Variants in PRDM15 observed in about 807,000 individuals in gnomAD.
PRDM15 encodes the protein PR/SET domain 15, also known as PR domain zinc finger protein 15.
A neutral mutation model predicts 128.6 loss-of-function variants in PRDM15; 64 were observed. The observed-to-expected ratio is 0.50, with a 90% CI of 0.41 to 0.61. PRDM15 has a LOEUF of 0.61. Ranked by LOEUF, PRDM15 falls within the 20% of genes least tolerant of loss-of-function variation. PRDM15 has a pLI of 0.00. For missense variants in PRDM15, 1,242 were observed against 1,569.1 expected (o/e 0.79, Z 3.52); for synonymous variants, 615 against 621.8 (o/e 0.99, Z 0.16).
In PRDM15 at chr21:41,810,283, G is replaced by A. The variant is rs777031684; in HGVS notation, c.2523C>T (p.Thr841=). Reference sequence around the variant, plus strand: ...GAACGTGCTTCTGCAGCATGTACTCGGTCACGTACTTCTTGTCGCACACGG... The same window carrying A: ...GAACGTGCTTCTGCAGCATGTACTCAGTCACGTACTTCTTGTCGCACACGG... ...TCSVCDKKYV[T]EYMLQKHVQL... is the part of the protein sequence containing the mutation. Residue 841 remains threonine (T), a synonymous_variant, in exon 21 of 24, where the codon ACC becomes ACT. Coordinates refer to ENST00000398548, the MANE Select transcript of PRDM15 (RefSeq NM_001040424.3). The surrounding 1 kb of genome is among the most constrained non-coding windows in gnomAD (Gnocchi z 6.4). The A allele has an allele frequency of 2.3e-5, 37 of 1,613,404 alleles. No individual in the cohort carries two copies. Among genetic ancestry groups the A allele is most frequent in the Non-Finnish European group, 3.1e-5 (37 of 1,179,964 alleles).
Position 41,836,679 on chromosome 21 carries a change from A to G in PRDM15, c.1002-30T>C, listed in dbSNP as rs774730647. Reference sequence around the variant, plus strand: ...CCAGGGACGTCAATAAGTTGGGAAAAGACAGGTGGGAAAAAAGTTCCAGGT... The same window carrying G: ...CCAGGGACGTCAATAAGTTGGGAAAGGACAGGTGGGAAAAAAGTTCCAGGT... On this transcript the variant is annotated intron_variant, in intron 8 of 23. Coordinates refer to ENST00000398548, the MANE Select transcript of PRDM15 (RefSeq NM_001040424.3). The G allele has an allele frequency of 3.2e-6, 5 of 1,563,900 alleles. No individual in the cohort carries two copies. The South Asian group carries it at 5.8e-5, about 18-fold the overall frequency.
intron 5 of PRDM15, among the ~76,000 whole-genome samples, chr21:41,850,307 C>T (rs1379903833): frequency 7.0e-6 from 1 of 143,642 alleles, no homozygotes; most frequent in Non-Finnish European, 1.5e-5. Context: ...CTCCTGGTGC[C>T]CCCCCAACAC....
In PRDM15 at chr21:41,800,110, C is replaced by T. The variant is rs551262303; in HGVS notation, c.*1130G>A. ...GCATTTTCTCTGTGTTTCAGAAATA[C>T]CTACACTTTTCCATTGTAAAGAGCC... On this transcript the variant is annotated 3_prime_UTR_variant, in exon 24 of 24. Coordinates refer to ENST00000398548, the MANE Select transcript of PRDM15 (RefSeq NM_001040424.3). 1.3e-5 allele frequency: 2 copies of T among 152,334 alleles called. No homozygotes were observed. The highest frequency in any genetic ancestry group is 4.8e-5 in the African/African-American group (2 of 41,574). The allele number at this position is 152,334 out of a possible 1,614,324, so 9.4% of individuals were successfully genotyped here.
intron 4 of PRDM15, among the ~76,000 whole-genome samples, chr21:41,856,394 A>G (rs1271735951): frequency 6.6e-6 from 1 of 150,962 alleles, no homozygotes; most frequent in Non-Finnish European, 1.5e-5. Context: ...AAGGACTTCC[A>G]AAAACCCAAG....
chr21:41,847,858 T>A (rs1317946649), intron 5 of PRDM15, among the ~76,000 whole-genome samples: 1 of 152,216 alleles, frequency 6.6e-6, no homozygotes, highest in Non-Finnish European at 1.5e-5. Context: ...CACACAGGAA[T>A]CTGGGGAGGG....
At chr21:41,804,122 T>C (rs981167467) in intron 22 of PRDM15, among the ~76,000 whole-genome samples, 7 of 152,026 alleles carry the variant, frequency 4.6e-5, no homozygotes, top group Non-Finnish European at 1.0e-4. Flanking sequence ...CACTACCACA[T>C]TTGGCTAATT....
chr21:41,834,887 G>A (rs2062819798), intron 11 of PRDM15, among the ~76,000 whole-genome samples: 1 of 152,226 alleles, frequency 6.6e-6, no homozygotes, highest in African/African-American at 2.4e-5. Context: ...AGGCACACCC[G>A]GCTTCAGGCC....
chr21:41,867,385 C>T (rs760153120), intron 1 of PRDM15: 1 of 1,610,012 alleles, frequency 6.2e-7, no homozygotes, highest in Admixed American at 1.7e-5. Flanking sequence ...GTCCTGAAAG[C>T]AGTGAAAGGA....
intron 1 of PRDM15, 36 bp from the exon 2 acceptor site, chr21:41,860,408 C>A (rs1196412154): frequency 6.3e-7 from 1 of 1,590,756 alleles, no homozygotes; most frequent in Admixed American, 1.7e-5. Context: ...TAATGACAAG[C>A]TCTTACCAAA....
intron 4 of PRDM15, among the ~76,000 whole-genome samples, chr21:41,856,527 C>G (rs1183508925): frequency 2.6e-5 from 4 of 151,930 alleles, no homozygotes; most frequent in African/African-American, 9.7e-5. Flanking sequence ...TGAAGACTGG[C>G]TGGCTTGGGG....
At chr21:41,868,689 TTTTTC>T (rs2064102615) in intron 1 of PRDM15, among the ~76,000 whole-genome samples, 1 of 96,884 alleles carries the variant, frequency 1.0e-5, no homozygotes, top group Non-Finnish European at 2.2e-5. Context: ...TTCCTTTTTC[TTTTTC>T]TTTTTTTTTT....
At chr21:41,839,920 C>G in intron 6 of PRDM15, 67 bp from the exon 7 acceptor site, 3 of 1,335,302 alleles carry the variant, frequency 2.2e-6, no homozygotes, top group East Asian at 2.3e-5. Flanking sequence ...CCACCCTGGC[C>G]TCTGGTTCCT....
In PRDM15 at chr21:41,862,797, C is replaced by T. The variant is rs1034188549; in HGVS notation, c.-9-2425G>A. Among the ~76,000 whole-genome samples, 9 of 152,090 alleles carry T rather than the reference C, an allele frequency of 5.9e-5. No homozygotes were observed. The highest frequency in any genetic ancestry group is 1.2e-4 in the Non-Finnish European group (8 of 68,018). On this transcript the variant is annotated intron_variant, in intron 1 of 23. Transcript: ENST00000398548. The surrounding 1 kb of genome is among the most constrained non-coding windows in gnomAD (Gnocchi z 4.1). ...AAGGGGAAGTGTGGTCTCCAGACCT[C>T]TAAGGCACACAAGACATCCCAGAAC... is the stretch of plus-strand genomic sequence containing the variant.
At chr21:41,870,875 G>T (rs2064185161) in intron 1 of PRDM15, 2 of 152,230 alleles carry the variant, frequency 1.3e-5, no homozygotes, top group Non-Finnish European at 2.9e-5. Context: ...TGCCTCTGCT[G>T]TTTACCAGAT....
intron 1 of PRDM15, among the ~76,000 whole-genome samples, chr21:41,866,092 C>T (rs2063998558): frequency 6.6e-6 from 1 of 152,164 alleles, no homozygotes; most frequent in Non-Finnish European, 1.5e-5. Context: ...GACTTTTCCA[C>T]TCACTCCTTT....
intron 1 of PRDM15, among the ~76,000 whole-genome samples, chr21:41,877,041 C>A (rs889177558): frequency 2.0e-5 from 3 of 152,240 alleles, no homozygotes; most frequent in Non-Finnish European, 4.4e-5. Context: ...CCACACTGGC[C>A]TGTCCCATCC....
At chr21:41,834,303 C>T (rs1273061976) in intron 11 of PRDM15, among the ~76,000 whole-genome samples, 2 of 152,264 alleles carry the variant, frequency 1.3e-5, no homozygotes, top group Middle Eastern at 3.4e-3. Context: ...GGGCCCCCCG[C>T]GCCCAGCAGC....
chr21:41,802,677 C>T (rs772455996), intron 23 of PRDM15, 35 bp downstream of exon 23: 15 of 1,575,904 alleles, frequency 9.5e-6, no homozygotes, highest in Middle Eastern at 1.7e-4. Context: ...GGAAAGTGAC[C>T]GGCACCTAAT....
Position 41,859,576 on chromosome 21 carries a change from C to G in PRDM15, c.131+16G>C. 6.2e-7 allele frequency: 1 copy of G among 1,609,924 alleles called. No individual in the cohort carries two copies. Among genetic ancestry groups the G allele is most frequent in the South Asian group, 1.1e-5 (1 of 90,924 alleles). On this transcript the variant is annotated intron_variant, in intron 3 of 23. Coordinates refer to ENST00000398548, the MANE Select transcript of PRDM15 (RefSeq NM_001040424.3). This position sits in a 1 kb window ranked among gnomAD's most constrained non-coding sequence, Gnocchi z 5.3. ...CTGGCATATGGAAGGCCCGGGAGCT[C>G]ACGGCGGTCACTCACCTTGCCCTGC... is the stretch of plus-strand genomic sequence containing the variant.
Sources: gnomAD v4.1 joint callset for allele counts (sites outside exome capture counted in the v4.1 genomes callset) on GRCh38, gnomAD v4.1.1 for gene constraint, Gnocchi (gnomAD v3.1) non-coding constraint, MANE v1.5 for transcripts, NCBI Gene and HGNC (gene_info 2026-07-23, HGNC 2026-07-21) for gene names.